NMNAT1: variants seen among roughly 807,000 people sequenced by gnomAD.
NMNAT1 encodes the protein nicotinamide nucleotide adenylyltransferase 1.
In NMNAT1, 11 loss-of-function variants were observed where a neutral mutation model predicts 16.7. The ratio of observed to expected loss-of-function variants is 0.66; its 90% confidence interval spans 0.41 to 1.09. The LOEUF is 1.09. Ranked by LOEUF, NMNAT1 falls within the 50% of genes least tolerant of loss-of-function variation. NMNAT1 has a pLI of 0.00. For synonymous variants in NMNAT1, 110 were observed against 119.8 expected (o/e 0.92, Z 0.53); for missense variants, 280 against 332.3 (o/e 0.84, Z 1.22).
chr1:9,962,688 T>C (rs907652585), intron 1 of NMNAT1, among the ~76,000 whole-genome samples: 1 of 132,578 alleles, frequency 7.5e-6, no homozygotes, highest in African/African-American at 2.8e-5. Context: ...TTTTTTTTTT[T>C]TTTTTTTTTT....
chr1:9,958,685 A>G (rs7518570), intron 1 of NMNAT1, among the ~76,000 whole-genome samples: 149,583 of 152,134 alleles, frequency 0.98, 73,583 homozygotes, highest in East Asian at 1. Flanking sequence ...TGATCCGCCC[A>G]CCTCTGTCTC....
At chr1:9,975,416 G>T (rs574807222) in intron 2 of NMNAT1, among the ~76,000 whole-genome samples, 176 bp from the exon 3 acceptor site, 1 of 152,090 alleles carries the variant, frequency 6.6e-6, no homozygotes, top group East Asian at 1.9e-4. Context: ...CAGGAGAATT[G>T]CTTCAACCCA....
chr1:9,944,756 T>A (rs1640929357), intron 1 of NMNAT1, among the ~76,000 whole-genome samples: 1 of 152,228 alleles, frequency 6.6e-6, no homozygotes, highest in South Asian at 2.1e-4. Flanking sequence ...CTACCAAAAC[T>A]AATTGTTTCA....
chr1:9,975,454 T>G, intron 2 of NMNAT1, 138 bp from the exon 3 acceptor site: 1 of 620,382 alleles, frequency 1.6e-6, no homozygotes, highest in Non-Finnish European at 2.6e-6. Flanking sequence ...TGAGCCGAGA[T>G]CACTCCAGTG....
At chr1:9,959,643 A>G (rs1470911071) in intron 1 of NMNAT1, among the ~76,000 whole-genome samples, 2 of 152,106 alleles carry the variant, frequency 1.3e-5, no homozygotes, top group East Asian at 3.8e-4. Flanking sequence ...ATTGCACGCC[A>G]CTGCACTCCA....
intron 1 of NMNAT1, among the ~76,000 whole-genome samples, chr1:9,970,712 A>C (rs560362912): frequency 6.0e-4 from 91 of 152,118 alleles, no homozygotes; most frequent in African/African-American, 2.1e-3. Context: ...AAGAAATTTT[A>C]ATAAAAACCT....
chr1:9,962,137 G>C (rs1309407337), intron 1 of NMNAT1, among the ~76,000 whole-genome samples: 1 of 151,682 alleles, frequency 6.6e-6, no homozygotes, highest in Non-Finnish European at 1.5e-5. Flanking sequence ...GTTTCATCCC[G>C]TCCAATGAAT....
At chr1:9,970,195 CTG>C (rs2101689003) in intron 1 of NMNAT1, among the ~76,000 whole-genome samples, 1 of 152,036 alleles carries the variant, frequency 6.6e-6, no homozygotes, top group East Asian at 1.9e-4. Context: ...TCAATGGGCA[CTG>C]TTATAGTTGG....
chr1:9,980,979 C>G (rs886415721), intron 3 of NMNAT1, 52 bp from the exon 4 acceptor site: 16 of 1,566,710 alleles, frequency 1.0e-5, no homozygotes, highest in Non-Finnish European at 1.4e-5. Flanking sequence ...ATGATATATT[C>G]TAATGGAGCA....
the NMNAT1 span, among the ~76,000 whole-genome samples, chr1:9,992,335 G>A: frequency 2.6e-5 from 4 of 151,700 alleles, no homozygotes; most frequent in Admixed American, 6.6e-5. Context: ...CTCCCTCCTC[G>A]GCCCCAAAAT....
chr1:9,955,956 A>G (rs890285651), intron 1 of NMNAT1: 5 of 152,076 alleles, frequency 3.3e-5, no homozygotes, highest in African/African-American at 7.2e-5. Flanking sequence ...CAGGAAATCT[A>G]TGGTATACGC....
At chr1:9,986,903 C>A (rs539232461), downstream of NMNAT1, among the ~76,000 whole-genome samples, 201 of 151,802 alleles carry the variant, frequency 1.3e-3, no homozygotes, top group Admixed American at 3.9e-3. Flanking sequence ...CAGGGCTGGG[C>A]ATGGTGGCTC....
chr1:9,974,751 T>G (rs1476656689), intron 2 of NMNAT1, among the ~76,000 whole-genome samples: 1 of 151,902 alleles, frequency 6.6e-6, no homozygotes, highest in Non-Finnish European at 1.5e-5. Context: ...GTTGAGCTCC[T>G]GGGCTCAAGT....
intron 3 of NMNAT1, among the ~76,000 whole-genome samples, chr1:9,979,078 C>A (rs1641877134): frequency 6.6e-6 from 1 of 152,152 alleles, no homozygotes; most frequent in South Asian, 2.1e-4. Flanking sequence ...GGGTAATAAA[C>A]AATTCTGATA....
intron 1 of NMNAT1, among the ~76,000 whole-genome samples, chr1:9,960,288 AAAAAACAAAAAC>A (rs144111185): frequency 0.085 from 12,940 of 151,860 alleles, 766 homozygotes; most frequent in East Asian, 0.21. Context: ...CTATCTCTAA[AAAAAACAAAAAC>A]AAAAACAAAA....
rs780520411 is a variant in NMNAT1 at position 9,982,494 on chromosome 1, C to A, written c.633C>A (p.His211Gln). ...DVLWKHRSNI[H>Q]VVNEWIANDI... ...TGTGGAAACACCGGAGCAACATTCA[C>A]GTGGTGAATGAATGGATCGCTAATG... is the stretch of plus-strand genomic sequence containing the variant. Residue 211 changes from histidine to glutamine, a missense_variant, in exon 5 of 5, where the codon CAC becomes CAA. Coordinates refer to ENST00000377205, the MANE Select transcript of NMNAT1 (RefSeq NM_022787.4). The A allele has an allele frequency of 1.2e-6, 2 of 1,614,122 alleles. No homozygotes were observed. The highest frequency in any genetic ancestry group is 1.1e-5 in the South Asian group (1 of 91,084).
chr1:9,973,569 A>G (rs190586955), intron 2 of NMNAT1, among the ~76,000 whole-genome samples: 4 of 151,152 alleles, frequency 2.6e-5, no homozygotes, highest in Non-Finnish European at 5.9e-5. Context: ...TTAGCCGGGC[A>G]TGGTGGCGGG....
chr1:9,949,698 C>G (rs1036052212), intron 1 of NMNAT1: 1 of 151,880 alleles, frequency 6.6e-6, no homozygotes, highest in East Asian at 1.9e-4. Context: ...TCAAGTGATT[C>G]GCCCACCTCG....
chr1:9,976,470 GCATCCAGTGCT>G lies in NMNAT1; in HGVS notation c.299+696_299+706del, dbSNP rs879406823. Among the ~76,000 whole-genome samples, 1,198 of 152,142 alleles carry G rather than the reference GCATCCAGTGCT, an allele frequency of 7.9e-3. 30 individuals carry two copies. The East Asian group carries it at 0.099, about 13-fold the overall frequency. ...CAGGCAGATAATTTAAGGAAGAGAAGCATCCAGTGCTGCTTGATCATGGACAGGCCTGATTC... is the reference window on the plus strand; with the variant it reads ...CAGGCAGATAATTTAAGGAAGAGAAGGCTTGATCATGGACAGGCCTGATTC... On this transcript the variant is annotated intron_variant, in intron 3 of 4. Transcript: ENST00000377205.
Sources: allele counts gnomAD v4.1 joint callset (sites outside exome capture counted in the v4.1 genomes callset), GRCh38; gene constraint gnomAD v4.1.1; transcripts MANE v1.5; gene names NCBI Gene and HGNC (gene_info 2026-07-23, HGNC 2026-07-21).